The following DPYD variants were observed in gnomAD, a reference collection of about 807,000 sequenced individuals.
DPYD encodes dihydropyrimidine dehydrogenase.
DPYD carries 109 observed loss-of-function variants against 116.2 expected under a neutral mutation model. That is an observed-to-expected ratio of 0.94 (90% confidence interval 0.80 to 1.10). The LOEUF is 1.10. Among genes scored for constraint, DPYD ranks in the 50% least tolerant of loss-of-function variants. The pLI is 0.00. For missense variants in DPYD, 1,302 were observed against 1,254.5 expected (o/e 1.04, Z -0.57); for synonymous variants, 440 against 432.0 (o/e 1.02, Z -0.23).
chr1:97,154,087 A>G (rs568800208), intron 20 of DPYD, among the ~76,000 whole-genome samples: 93 of 152,278 alleles, frequency 6.1e-4, no homozygotes, highest in African/African-American at 2.1e-3. Context: ...AACAGTGTGT[A>G]GATTCCTTAA....
At chr1:97,143,545 C>G (rs1191320365) in intron 20 of DPYD, among the ~76,000 whole-genome samples, 1 of 152,078 alleles carries the variant, frequency 6.6e-6, no homozygotes, top group African/African-American at 2.4e-5. Context: ...AGTGACTGTA[C>G]CAATTAGATA....
intron 2 of DPYD, among the ~76,000 whole-genome samples, chr1:97,828,479 T>C (rs1447006708): frequency 6.6e-6 from 1 of 152,148 alleles, no homozygotes; most frequent in Non-Finnish European, 1.5e-5. Context: ...AATGAATTTA[T>C]AAAAGTAGGA....
intron 20 of DPYD, among the ~76,000 whole-genome samples, chr1:97,134,399 T>G (rs372192383): frequency 6.6e-6 from 1 of 152,264 alleles, no homozygotes; most frequent in Non-Finnish European, 1.5e-5. Flanking sequence ...ACAGATTGCC[T>G]GAGTCTAGCT....
intron 21 of DPYD, among the ~76,000 whole-genome samples, chr1:97,097,298 A>G (rs558688006): frequency 5.5e-4 from 84 of 152,230 alleles, no homozygotes; most frequent in African/African-American, 1.9e-3. Flanking sequence ...AGTCTGGACC[A>G]CTGTTTTTAG....
chr1:97,466,242 A>T (rs1302795007), intron 13 of DPYD, among the ~76,000 whole-genome samples: 1 of 152,180 alleles, frequency 6.6e-6, no homozygotes, highest in Non-Finnish European at 1.5e-5. Context: ...CTAAAAATAA[A>T]TTGATTCCTG....
intron 8 of DPYD, among the ~76,000 whole-genome samples, chr1:97,658,308 T>A (rs975572256): frequency 3.9e-5 from 6 of 152,210 alleles, no homozygotes; most frequent in African/African-American, 1.4e-4. Context: ...TCTTACATAA[T>A]CTGCAAATGC....
At chr1:97,909,411 G>T (rs1443645147) in intron 1 of DPYD, among the ~76,000 whole-genome samples, 2 of 151,954 alleles carry the variant, frequency 1.3e-5, no homozygotes, top group African/African-American at 4.8e-5. Context: ...ATATGTACCT[G>T]CTCTGTTATC....
intron 8 of DPYD, among the ~76,000 whole-genome samples, chr1:97,660,996 CTCT>C (rs1289610750): frequency 1.3e-5 from 2 of 152,056 alleles, no homozygotes; most frequent in African/African-American, 4.8e-5. Flanking sequence ...AAACTCTCAC[CTCT>C]TCTTCTCCCT....
At chr1:97,714,666 A>C (rs1054866261) in intron 5 of DPYD, among the ~76,000 whole-genome samples, 6 of 151,668 alleles carry the variant, frequency 4.0e-5, no homozygotes, top group Non-Finnish European at 5.9e-5. Context: ...AAAAAAAAAA[A>C]AAAAAAAACA....
intron 14 of DPYD, among the ~76,000 whole-genome samples, chr1:97,420,385 T>G (rs1332611873): frequency 6.6e-6 from 1 of 152,290 alleles, no homozygotes; most frequent in Non-Finnish European, 1.5e-5. Context: ...ATGTGAAAAC[T>G]TGTAGATTTT....
rs188360923 is a variant in DPYD, at chr1:97,890,593, A to C, written c.40-7219T>G. Among the ~76,000 whole-genome samples the C allele has an allele frequency of 1.2e-3, 185 of 152,068 alleles. No homozygotes were observed. The Middle Eastern group carries it at 0.024, about 20-fold the overall frequency. On this transcript the variant is annotated intron_variant, in intron 1 of 22. Transcript: ENST00000370192. ...TTCAAGTAATCTCATGCTTATAGAA[A>C]AAAAGTGAAAACATTTTCTTATTCC...
intron 13 of DPYD, among the ~76,000 whole-genome samples, chr1:97,467,451 C>A (rs1570781395): frequency 6.6e-6 from 1 of 152,276 alleles, no homozygotes; most frequent in East Asian, 1.9e-4. Flanking sequence ...CAATGTGAAA[C>A]CTCCATGTAT....
intron 16 of DPYD, among the ~76,000 whole-genome samples, chr1:97,349,299 G>T (rs1323191894): frequency 6.7e-6 from 1 of 150,316 alleles, no homozygotes; most frequent in Admixed American, 6.7e-5. Context: ...TCTTACTGAA[G>T]AAAGTAGCAA....
intron 3 of DPYD, among the ~76,000 whole-genome samples, chr1:97,814,357 T>C (rs144852272): frequency 6.6e-6 from 1 of 152,112 alleles, no homozygotes; most frequent in African/African-American, 2.4e-5. Context: ...CTAAGTAAAA[T>C]AGCAAGCCTT....
chr1:97,799,190 C>A (rs1047225549), intron 3 of DPYD, among the ~76,000 whole-genome samples: 1 of 151,942 alleles, frequency 6.6e-6, no homozygotes, highest in Non-Finnish European at 1.5e-5. Flanking sequence ...AGCCTGTACA[C>A]TGTTCCACAG....
intron 18 of DPYD, among the ~76,000 whole-genome samples, chr1:97,273,547 C>T (rs1317481883): frequency 1.3e-5 from 2 of 152,110 alleles, no homozygotes; most frequent in Non-Finnish European, 2.9e-5. Context: ...GGACTTTAAA[C>T]AGTGTGGAGA....
intron 13 of DPYD, among the ~76,000 whole-genome samples, chr1:97,465,885 A>G (rs1288073535): frequency 6.6e-6 from 1 of 152,130 alleles, no homozygotes; most frequent in African/African-American, 2.4e-5. Context: ...ATAAACTTCT[A>G]AATTCATTGA....
At chr1:97,201,314 T>C (rs1659185143) in intron 19 of DPYD, among the ~76,000 whole-genome samples, 1 of 152,144 alleles carries the variant, frequency 6.6e-6, no homozygotes, top group Admixed American at 6.6e-5. Context: ...ATTCTATCTG[T>C]CCACACCTAC....
chr1:97,671,681 A>T (rs1040889873), intron 8 of DPYD, among the ~76,000 whole-genome samples: 1 of 151,568 alleles, frequency 6.6e-6, no homozygotes, highest in Non-Finnish European at 1.5e-5. Context: ...TTGATGTTGT[A>T]TTATGTGTTA....
Sources: gnomAD v4.1 joint callset for allele counts (sites outside exome capture counted in the v4.1 genomes callset) on GRCh38, gnomAD v4.1.1 for gene constraint, MANE v1.5 for transcripts, NCBI Gene and HGNC (gene_info 2026-07-23, HGNC 2026-07-21) for gene names.